The following PUM1 variants were observed in gnomAD, a reference collection of about 807,000 sequenced individuals.
PUM1 encodes the protein pumilio RNA binding family member 1, also known as pumilio homolog 1.
A neutral mutation model predicts 131.8 loss-of-function variants in PUM1; 13 were observed. The observed-to-expected ratio is 0.10, with a 90% CI of 0.06 to 0.16. PUM1 has a LOEUF of 0.16. PUM1 is among the 10% of genes least tolerant of loss of function. The pLI is 1.00. For missense variants in PUM1, 961 were observed against 1,512.4 expected, an observed-to-expected ratio of 0.64 and a Z score of 6.05; for synonymous variants, 509 against 556.5, an observed-to-expected ratio of 0.91 and a Z score of 1.20.
At chr1:30,944,946 T>C (rs1197017858) in intron 18 of PUM1, among the ~76,000 whole-genome samples, 1 of 152,192 alleles carries the variant, frequency 6.6e-6, no homozygotes, top group Non-Finnish European at 1.5e-5. Context: ...CTAAAGTACA[T>C]TAAGATCAGG....
At chr1:30,938,928 C>CAG (rs1305444300) in intron 20 of PUM1, among the ~76,000 whole-genome samples, 3 of 103,210 alleles carry the variant, frequency 2.9e-5, no homozygotes, top group African/African-American at 1.0e-4. Context: ...GACAGACAGA[C>CAG]AGACAGACAG....
chr1:30,987,004 C>T (rs1176210688), intron 7 of PUM1, among the ~76,000 whole-genome samples: 1 of 152,132 alleles, frequency 6.6e-6, no homozygotes, highest in African/African-American at 2.4e-5. Context: ...AATATTGAAT[C>T]TTTGTTAAAA....
In PUM1 at chr1:30,931,919, G is replaced by T. The variant is rs986567228; in HGVS notation, c.*1292C>A. The T allele has an allele frequency of 6.6e-6, 1 of 152,408 alleles. No homozygotes were observed. Among genetic ancestry groups the T allele is most frequent in the East Asian group, 1.9e-4 (1 of 5,172 alleles). 9.4% of individuals were successfully genotyped at this position (152,408 alleles called of 1,614,324 possible). A position where few individuals can be genotyped will look rare whatever the true frequency, so the allele number is the denominator to read the frequency against. ...CAAAATCAAAACATTACTTTTTTAG[G>T]ATTAAAAAAACACTAGTGAGAACTC... On this transcript the variant is annotated 3_prime_UTR_variant, in exon 22 of 22. Coordinates refer to ENST00000426105, the MANE Select transcript of PUM1 (RefSeq NM_001020658.2).
At chr1:31,015,471 A>C (rs1028006560) in intron 3 of PUM1, among the ~76,000 whole-genome samples, 1 of 151,312 alleles carries the variant, frequency 6.6e-6, no homozygotes, top group Non-Finnish European at 1.5e-5. Flanking sequence ...CTTCCCGAGT[A>C]GCTGGGAATA....
intron 3 of PUM1, among the ~76,000 whole-genome samples, chr1:31,025,786 C>T (rs1643200636): frequency 6.6e-6 from 1 of 151,936 alleles, no homozygotes; most frequent in Non-Finnish European, 1.5e-5. Flanking sequence ...AAACTCCTGA[C>T]CTCAGGTGAT....
chr1:30,938,882 G>C (rs1294317501), intron 20 of PUM1, among the ~76,000 whole-genome samples: 1 of 88,080 alleles, frequency 1.1e-5, no homozygotes, highest in African/African-American at 4.3e-5. Context: ...GATAGAGATA[G>C]ATAGATAGAT....
At chr1:30,977,773 C>G (rs1434097729) in intron 9 of PUM1, among the ~76,000 whole-genome samples, 1 of 152,168 alleles carries the variant, frequency 6.6e-6, no homozygotes, top group Non-Finnish European at 1.5e-5. Context: ...AAGACCAGTT[C>G]TTTGTTTCAA....
intron 7 of PUM1, among the ~76,000 whole-genome samples, chr1:30,988,008 A>G (rs1321502317): frequency 6.6e-6 from 1 of 152,248 alleles, no homozygotes; most frequent in Non-Finnish European, 1.5e-5. Context: ...ATAAGTAAAT[A>G]TATAATTAAC....
chr1:30,947,042 T>C (rs1166184744), intron 17 of PUM1, among the ~76,000 whole-genome samples: 1 of 152,220 alleles, frequency 6.6e-6, no homozygotes, highest in Non-Finnish European at 1.5e-5. Context: ...CCTCTAACCG[T>C]GTAACATGTT....
At chr1:31,023,795 G>T (rs1479306363) in intron 3 of PUM1, among the ~76,000 whole-genome samples, 1 of 151,960 alleles carries the variant, frequency 6.6e-6, no homozygotes, top group African/African-American at 2.4e-5. Context: ...GGTGTGTGGT[G>T]GTGCACATCT....
chr1:31,024,675 T>TC (rs1166388814), intron 3 of PUM1, among the ~76,000 whole-genome samples: 4 of 152,202 alleles, frequency 2.6e-5, no homozygotes, highest in African/African-American at 4.8e-5. Flanking sequence ...GAAAAAAAGG[T>TC]CCTTGATTTT....
Position 30,953,848 on chromosome 1 carries a change from A to G in PUM1, c.2457T>C (p.Tyr819=), listed in dbSNP as rs1015286146. The G allele has an allele frequency of 1.9e-6, 3 of 1,614,128 alleles. No homozygotes were observed. ...CAGAAGGCATGACATCAGACATTCC[A>G]TATCGCAAACGAGAGGAAGAGAAAA... The part of the protein sequence containing the change: ...STLFSSSRLR[Y]GMSDVMPSGR... The change falls in exon 15 of 22, where the codon TAT becomes TAC. Residue 819 remains tyrosine, a synonymous_variant. Coordinates refer to ENST00000426105, the MANE Select transcript of PUM1 (RefSeq NM_001020658.2).
intron 2 of PUM1, among the ~76,000 whole-genome samples, chr1:31,049,430 T>C (rs781169164): frequency 4.0e-5 from 6 of 150,562 alleles, no homozygotes; most frequent in Non-Finnish European, 1.5e-5. Flanking sequence ...GCACAAGAAG[T>C]GCTTGAACCC....
rs75424592 is a variant in PUM1, at chr1:31,059,263, C to T, written c.304G>A (p.Gly102Ser). 1,045 of 1,612,882 alleles carry T rather than the reference C, an allele frequency of 6.5e-4. 6 individuals are homozygous for T. The highest frequency in any genetic ancestry group is 2.3e-3 in the African/African-American group (171 of 74,974). ...QLGGGGSGGG[G>S]YNNSKHRWPT... is the part of the protein sequence containing the mutation. Reference sequence around the variant, plus strand: ...CATCGATGTTTGCTATTATTATAGCCGCCTCCTCCACTTCCTCCTCCCCCA... The same window carrying T: ...CATCGATGTTTGCTATTATTATAGCTGCCTCCTCCACTTCCTCCTCCCCCA... Residue 102 changes from glycine to serine, a missense_variant, in exon 2 of 22, where the codon GGC becomes AGC. Physicochemically the swap from Gly to Ser is moderately conservative, Grantham distance 56. Transcript: ENST00000426105.
rs1639874681 is a variant in PUM1, at chr1:30,950,303, G to A, written c.2722-42C>T. On this transcript the variant is annotated intron_variant, in intron 16 of 21. Coordinates refer to ENST00000426105, the MANE Select transcript of PUM1 (RefSeq NM_001020658.2). ...GGTAAACACCATTACTTAAGTAGAAGGAAATAAACCAGAGAAAGCAAAGCA... is the reference window on the plus strand; with the variant it reads ...GGTAAACACCATTACTTAAGTAGAAAGAAATAAACCAGAGAAAGCAAAGCA... 5 of 1,587,144 alleles carry A rather than the reference G, an allele frequency of 3.2e-6. No homozygotes were observed. The South Asian group carries it at 3.4e-5, about 11-fold the overall frequency.
intron 2 of PUM1, among the ~76,000 whole-genome samples, chr1:31,032,128 G>C (rs1643452217): frequency 6.6e-6 from 1 of 152,292 alleles, no homozygotes; most frequent in East Asian, 1.9e-4. Context: ...CACCCACGTT[G>C]ACTACATGAG....
intron 14 of PUM1, among the ~76,000 whole-genome samples, chr1:30,959,273 T>C (rs1161099748): frequency 6.6e-6 from 1 of 152,206 alleles, no homozygotes; most frequent in East Asian, 1.9e-4. Flanking sequence ...TTTCATGCTA[T>C]GAGGTCAGTA....
intron 3 of PUM1, among the ~76,000 whole-genome samples, chr1:31,024,025 T>C (rs1643133317): frequency 6.6e-6 from 1 of 151,484 alleles, no homozygotes; most frequent in African/African-American, 2.4e-5. Context: ...CTCTCTACTA[T>C]ATCCTAAAAA....
chr1:30,992,482 C>G lies in PUM1; in HGVS notation c.1066G>C (p.Glu356Gln). 1 of 1,614,204 alleles carries G rather than the reference C, an allele frequency of 6.2e-7. No homozygotes were observed. Among genetic ancestry groups the G allele is most frequent in the Non-Finnish European group, 8.5e-7 (1 of 1,180,028 alleles). The change falls in exon 7 of 22, where the codon GAG becomes CAG. Residue 356 changes from glutamate to glutamine, a missense_variant. By Grantham distance (29) the Glu-to-Gln change is conservative (BLOSUM62 2). Transcript: ENST00000426105. The stretch of plus-strand genomic sequence containing the variant: ...CCTGAATAATCAAACTGAAGAGGCT[C>G]CATGCCCACATGTTCCATGGGGTCC... ...PLDPMEHVGM[E>Q]PLQFDYSGTQ...
Sources: allele counts gnomAD v4.1 joint callset (sites outside exome capture counted in the v4.1 genomes callset), GRCh38; gene constraint gnomAD v4.1.1; transcripts MANE v1.5; gene names NCBI Gene and HGNC (gene_info 2026-07-23, HGNC 2026-07-21).